FRMD5: variants seen among roughly 807,000 people sequenced by gnomAD.
FRMD5 encodes the protein FERM domain containing 5.
Under a neutral mutation model 69.0 loss-of-function variants are expected in FRMD5, and 20 were observed. The observed-to-expected ratio is 0.29, with a 90% CI of 0.20 to 0.42. FRMD5 has a LOEUF of 0.42. Among genes scored for constraint, FRMD5 ranks in the 10% least tolerant of loss-of-function variants. The pLI, the probability that FRMD5 is intolerant of heterozygous loss-of-function variation, is 1.00. For missense variants in FRMD5, 595 were observed against 708.6 expected, an observed-to-expected ratio of 0.84 and a Z score of 1.82; for synonymous variants, 271 against 260.1, an observed-to-expected ratio of 1.04 and a Z score of -0.40.
At chr15:43,967,725 A>G (rs1595569854) in intron 1 of FRMD5, among the ~76,000 whole-genome samples, 1 of 148,674 alleles carries the variant, frequency 6.7e-6, no homozygotes, top group Non-Finnish European at 1.5e-5. Flanking sequence ...TGCATTTCCT[A>G]TTTTTTTTTG....
At chr15:43,897,793 C>T (rs2088949821) in intron 7 of FRMD5, among the ~76,000 whole-genome samples, 1 of 152,110 alleles carries the variant, frequency 6.6e-6, no homozygotes, top group East Asian at 1.9e-4. Flanking sequence ...TTTTAACCCC[C>T]ATGTGACAGG....
chr15:44,157,791 C>A (rs1308903332), intron 1 of FRMD5, among the ~76,000 whole-genome samples: 1 of 152,148 alleles, frequency 6.6e-6, no homozygotes, highest in East Asian at 1.9e-4. Context: ...CCAGGAAATT[C>A]AATCAGATCT....
intron 2 of FRMD5, 25 bp downstream of exon 2, chr15:43,924,180 T>C: frequency 6.5e-7 from 1 of 1,542,474 alleles, no homozygotes; most frequent in Non-Finnish European, 9.0e-7. Flanking sequence ...CCTGTCCTCC[T>C]TTTGTGCTTT....
At position 43,873,668 on chromosome 15, in the gene FRMD5, T is replaced by G. The variant is rs2088226568; in HGVS notation, c.*217A>C. The G allele has an allele frequency of 6.8e-7, 1 of 1,473,772 alleles. No individual in the cohort carries two copies. Among genetic ancestry groups the G allele is most frequent in the South Asian group, 1.3e-5 (1 of 76,820 alleles). The allele number at this position is 1,473,772 out of a possible 1,614,324, so 91.3% of individuals were successfully genotyped here. A position where few individuals can be genotyped will look rare whatever the true frequency, so the allele number is the denominator to read the frequency against. On this transcript the variant is annotated 3_prime_UTR_variant, in exon 14 of 14. Coordinates refer to ENST00000417257, the MANE Select transcript of FRMD5 (RefSeq NM_032892.5). ...GTCGCTGAGCCTTTCTTGAAATAAC[T>G]TCTGAAGAAAATGAGTTTTCCCAGT...
Position 43,914,723 on chromosome 15 carries a change from C to CTTTT in FRMD5, c.329+4732_329+4735dup, listed in dbSNP as rs533023960. Among the ~76,000 whole-genome samples the CTTTT allele has an allele frequency of 9.0e-3, 982 of 109,316 alleles. 203 individuals are homozygous for CTTTT. Among genetic ancestry groups the CTTTT allele is most frequent in the African/African-American group, 0.049 (916 of 18,536 alleles). 71.7% of individuals were successfully genotyped at this position (109,316 alleles called of 152,430 possible). ...CCCAGCAACTCTATGAGGTGACTAC[C>CTTTT]TTTTTTTTTTTTTTTTTTTTTGAGA... On this transcript the variant is annotated intron_variant, in intron 4 of 13. Coordinates refer to ENST00000417257, the MANE Select transcript of FRMD5 (RefSeq NM_032892.5).
intron 1 of FRMD5, among the ~76,000 whole-genome samples, chr15:44,159,444 T>C (rs1441515305): frequency 1.3e-5 from 2 of 152,040 alleles, no homozygotes; most frequent in Non-Finnish European, 2.9e-5. Context: ...GCTACTGATA[T>C]CTCCAGATGA....
chr15:43,953,204 T>C (rs2090063584), intron 1 of FRMD5, among the ~76,000 whole-genome samples: 2 of 152,220 alleles, frequency 1.3e-5, no homozygotes, highest in Non-Finnish European at 2.9e-5. Context: ...CTTAGCAGCA[T>C]AGTCTTGGTA....
At chr15:44,167,593 A>ATT (rs202157236) in intron 1 of FRMD5, among the ~76,000 whole-genome samples, 1 of 145,522 alleles carries the variant, frequency 6.9e-6, no homozygotes, top group Non-Finnish European at 1.5e-5. Context: ...CATTATCACA[A>ATT]TTTTTTTTTT....
intron 1 of FRMD5, among the ~76,000 whole-genome samples, chr15:44,175,255 C>T (rs2077873462): frequency 6.6e-6 from 1 of 152,102 alleles, no homozygotes; most frequent in African/African-American, 2.4e-5. Context: ...CCCCAAATCC[C>T]CACCTCAGAC....
chr15:43,921,276 T>C (rs1208284919), intron 2 of FRMD5, among the ~76,000 whole-genome samples: 2 of 152,096 alleles, frequency 1.3e-5, no homozygotes, highest in African/African-American at 2.4e-5. Flanking sequence ...AGGGATTCAG[T>C]ACACAGAACA....
intron 13 of FRMD5, chr15:43,875,997 C>A (rs2088344005): frequency 1.5e-6 from 2 of 1,339,052 alleles, no homozygotes; most frequent in Non-Finnish European, 2.2e-6. Flanking sequence ...GGTCATCCAA[C>A]CCAAGACGCC....
intron 1 of FRMD5, among the ~76,000 whole-genome samples, chr15:44,048,622 G>C (rs1047004766): frequency 6.6e-6 from 1 of 152,042 alleles, no homozygotes; most frequent in Non-Finnish European, 1.5e-5. Flanking sequence ...GCCCAGGCTG[G>C]AGTGCAGTGG....
intron 1 of FRMD5, among the ~76,000 whole-genome samples, chr15:44,145,721 T>C (rs1046542664): frequency 6.6e-6 from 1 of 152,144 alleles, no homozygotes; most frequent in Non-Finnish European, 1.5e-5. Context: ...TCCAATTTTG[T>C]TTGATAAGCA....
In FRMD5 at chr15:43,924,280, G is replaced by A. The variant is rs376221573; in HGVS notation, c.132C>T (p.Asp44=). 17 of 1,613,926 alleles carry A rather than the reference G, an allele frequency of 1.1e-5. No homozygotes were observed. The highest frequency in any genetic ancestry group is 2.2e-5 in the East Asian group (1 of 44,900). The change falls in exon 2 of 14, where the codon GAC becomes GAT. Residue 44 remains aspartate, a synonymous_variant. Coordinates refer to ENST00000417257, the MANE Select transcript of FRMD5 (RefSeq NM_032892.5). ...QRDAKGQYLF[D]LLCHHLNLLE... is the part of the protein sequence containing the mutation. ...GTAGGTTCAGATGGTGGCAAAGAAGGTCAAACAGGTACTGGCCTTTGGCAT... is the reference window on the plus strand; with the variant it reads ...GTAGGTTCAGATGGTGGCAAAGAAGATCAAACAGGTACTGGCCTTTGGCAT...
chr15:44,003,152 C>T (rs1488798212), intron 1 of FRMD5, among the ~76,000 whole-genome samples: 1 of 152,202 alleles, frequency 6.6e-6, no homozygotes, highest in African/African-American at 2.4e-5. Flanking sequence ...TTTCATACTA[C>T]ACATCTATCT....
chr15:44,174,953 A>T (rs1475757043), intron 1 of FRMD5, among the ~76,000 whole-genome samples: 1 of 152,186 alleles, frequency 6.6e-6, no homozygotes, highest in African/African-American at 2.4e-5. Flanking sequence ...TAACTAATGC[A>T]TGCGGGGCTT....
chr15:43,903,374 A>C (rs529237235), intron 6 of FRMD5, among the ~76,000 whole-genome samples: 1 of 152,286 alleles, frequency 6.6e-6, no homozygotes, highest in South Asian at 2.1e-4. Flanking sequence ...GATTCCCCCT[A>C]GTGTCCCTCT....
intron 1 of FRMD5, among the ~76,000 whole-genome samples, chr15:44,072,672 A>G (rs1438902499): frequency 6.6e-6 from 1 of 152,220 alleles, no homozygotes; most frequent in Non-Finnish European, 1.5e-5. Flanking sequence ...TAATATTCAT[A>G]TGAAGACTGT....
intron 1 of FRMD5, among the ~76,000 whole-genome samples, chr15:44,193,315 A>T (rs1428297903): frequency 6.6e-6 from 1 of 152,218 alleles, no homozygotes; most frequent in Non-Finnish European, 1.5e-5. Context: ...TTGATATGCT[A>T]TTGGATAAAT....
Sources: gnomAD v4.1 joint callset for allele counts (sites outside exome capture counted in the v4.1 genomes callset) on GRCh38, gnomAD v4.1.1 for gene constraint, MANE v1.5 for transcripts, NCBI Gene and HGNC (gene_info 2026-07-23, HGNC 2026-07-21) for gene names.